Variants in CSMD1 observed in about 807,000 individuals in gnomAD.
CSMD1 encodes the protein CUB and sushi domain-containing protein 1.
CSMD1 carries 213 observed loss-of-function variants against 417.5 expected under a neutral mutation model. The observed-to-expected ratio is 0.51, with a 90% confidence interval of 0.46 to 0.57. The LOEUF (loss-of-function observed/expected upper bound fraction) is 0.57, where lower values mean the gene tolerates loss of function less well. Ranked by LOEUF, CSMD1 falls within the 20% of genes least tolerant of loss-of-function variation. The probability of loss-of-function intolerance (pLI) is 0.00; values close to 1 mark genes in which losing one functional copy is unlikely to be tolerated. For synonymous variants in CSMD1, 2,862 were observed against 1,736.8 expected, an observed-to-expected ratio of 1.65 and a Z score of -16.11; for missense variants, 6,923 against 4,529.7, an observed-to-expected ratio of 1.53 and a Z score of -15.17.
chr8:3,748,344 A>G (rs999364987), intron 6 of CSMD1, among the ~76,000 whole-genome samples: 10 of 152,202 alleles, frequency 6.6e-5, no homozygotes, highest in Admixed American at 3.3e-4. Flanking sequence ...TACTTCATGC[A>G]TCCATACCTA....
rs905990082 is a variant in CSMD1, at chr8:3,983,419, C to T, written c.818+14484G>A. Among the ~76,000 whole-genome samples, 11 of 151,920 alleles carry T rather than the reference C, an allele frequency of 7.2e-5. 2 individuals are homozygous for T. Among genetic ancestry groups the T allele is most frequent in the Admixed American group, 3.3e-4 (5 of 15,252 alleles). On this transcript the variant is annotated intron_variant, in intron 5 of 69. Transcript: ENST00000635120. The stretch of plus-strand genomic sequence containing the variant: ...TGCTGGGATTACAGGCGTGAGCCAC[C>T]GCGCCCGGCCGCAGCCTCCCACATC...
At chr8:3,079,255 C>T (rs924218187) in intron 49 of CSMD1, among the ~76,000 whole-genome samples, 1 of 152,162 alleles carries the variant, frequency 6.6e-6, no homozygotes, top group African/African-American at 2.4e-5. Flanking sequence ...TGTGGATTCA[C>T]ATTCTGATAA....
At position 3,318,490 on chromosome 8, in the gene CSMD1, T is replaced by C. The variant is rs887603003; in HGVS notation, c.3632-9987A>G. On this transcript the variant is annotated intron_variant, in intron 23 of 69. Coordinates refer to ENST00000635120, the MANE Select transcript of CSMD1 (RefSeq NM_033225.6). Reference sequence around the variant, plus strand: ...ACCAGAAACTCATAGTCTGTGTAGATAAAAGATAACATATAAAAGTTAACA... The same window carrying C: ...ACCAGAAACTCATAGTCTGTGTAGACAAAAGATAACATATAAAAGTTAACA... 3.9e-5 allele frequency among the ~76,000 whole-genome samples: 6 copies of C among 152,190 alleles called. 1 individual carries two copies. Among genetic ancestry groups the C allele is most frequent in the East Asian group, 3.9e-4 (2 of 5,192 alleles).
At chr8:4,284,783 A>G (rs1255384103) in intron 3 of CSMD1, among the ~76,000 whole-genome samples, 2 of 152,160 alleles carry the variant, frequency 1.3e-5, no homozygotes, top group Non-Finnish European at 2.9e-5. Context: ...GCTCTTTCCA[A>G]AAACCACACA....
intron 1 of CSMD1, among the ~76,000 whole-genome samples, chr8:4,653,798 A>C (rs1804056651): frequency 6.6e-6 from 1 of 152,162 alleles, no homozygotes. Flanking sequence ...ATTTGAAGGG[A>C]GGCATTTGCA....
chr8:3,221,188 C>T (rs184456389), intron 28 of CSMD1, among the ~76,000 whole-genome samples: 24 of 152,256 alleles, frequency 1.6e-4, no homozygotes, highest in East Asian at 1.4e-3. Flanking sequence ...ATCGGTGCAA[C>T]GCCCAGCCTG....
chr8:4,039,507 G>A (rs1422900443), intron 3 of CSMD1, among the ~76,000 whole-genome samples: 1 of 152,138 alleles, frequency 6.6e-6, no homozygotes, highest in Non-Finnish European at 1.5e-5. Flanking sequence ...ATCTGTAAAA[G>A]GAGAAGGTGC....
At chr8:4,254,310 C>G (rs1042870235) in intron 3 of CSMD1, among the ~76,000 whole-genome samples, 2 of 152,030 alleles carry the variant, frequency 1.3e-5, no homozygotes, top group Non-Finnish European at 2.9e-5. Flanking sequence ...ATCAGGAATT[C>G]GATTATTGAT....
chr8:4,580,093 G>A (rs1213612254), intron 2 of CSMD1, among the ~76,000 whole-genome samples: 3 of 152,168 alleles, frequency 2.0e-5, no homozygotes, highest in Non-Finnish European at 4.4e-5. Context: ...AAAGAGGGTG[G>A]GAGGACTAAA....
chr8:4,370,530 T>C (rs181983262), intron 3 of CSMD1, among the ~76,000 whole-genome samples: 6 of 152,382 alleles, frequency 3.9e-5, no homozygotes, highest in Admixed American at 3.3e-4. Context: ...TGTTCAAATG[T>C]GTTTCTCAAG....
intron 3 of CSMD1, among the ~76,000 whole-genome samples, chr8:4,122,500 A>G (rs1462102276): frequency 5.9e-5 from 9 of 152,198 alleles, no homozygotes; most frequent in Non-Finnish European, 8.8e-5. Context: ...TAAACTGTCT[A>G]AAAGAGAACC....
intron 3 of CSMD1, among the ~76,000 whole-genome samples, chr8:4,109,612 G>A (rs764707926): frequency 3.9e-5 from 6 of 152,158 alleles, no homozygotes; most frequent in Non-Finnish European, 7.4e-5. Context: ...GGATATTGTT[G>A]GAATCAAAAG....
rs1800930345 is a variant in CSMD1, at chr8:4,843,029, C to T, written c.85+151303G>A. Among the ~76,000 whole-genome samples the T allele has an allele frequency of 2.6e-5, 4 of 152,156 alleles. No homozygotes were observed. In the South Asian group the frequency reaches 8.3e-4, roughly 31 times the overall value. ...TGCTACTCCAGGACTCTAACATCAA[C>T]TGAGTGAAGTCAAAATAAGAGATGC... is the stretch of plus-strand genomic sequence containing the variant. On this transcript the variant is annotated intron_variant, in intron 1 of 69. Coordinates refer to ENST00000635120, the MANE Select transcript of CSMD1 (RefSeq NM_033225.6).
intron 3 of CSMD1, among the ~76,000 whole-genome samples, chr8:4,256,252 T>G (rs1197735784): frequency 3.9e-5 from 6 of 152,200 alleles, no homozygotes; most frequent in African/African-American, 1.4e-4. Flanking sequence ...TCTCTCTGCT[T>G]TGAGTCCCTT....
intron 5 of CSMD1, among the ~76,000 whole-genome samples, chr8:3,905,942 C>G (rs2627418): frequency 0.57 from 86,266 of 151,720 alleles, 26,805 homozygotes; most frequent in Non-Finnish European, 0.68. Flanking sequence ...TTTTTGGTGC[C>G]CCTCAACCAT....
At chr8:4,067,941 G>C (rs550115356) in intron 3 of CSMD1, among the ~76,000 whole-genome samples, 56 of 152,224 alleles carry the variant, frequency 3.7e-4, no homozygotes, top group African/African-American at 1.3e-3. Context: ...ACTGGGCATG[G>C]TGGTGCGCTC....
At chr8:4,631,495 T>C (rs3804) in intron 2 of CSMD1, among the ~76,000 whole-genome samples, 1 of 151,874 alleles carries the variant, frequency 6.6e-6, no homozygotes, top group Non-Finnish European at 1.5e-5. Flanking sequence ...TAGGCAATGC[T>C]AGGTCTCTAG....
intron 24 of CSMD1, 44 bp from the exon 25 acceptor site, chr8:3,307,865 C>T (rs1563253948): frequency 2.5e-6 from 4 of 1,590,538 alleles, no homozygotes; most frequent in Non-Finnish European, 8.5e-7. Context: ...CTTCAGGCAT[C>T]ACATGTTTCT....
chr8:4,073,532 C>T (rs991787532), intron 3 of CSMD1, among the ~76,000 whole-genome samples: 1 of 152,016 alleles, frequency 6.6e-6, no homozygotes, highest in African/African-American at 2.4e-5. Flanking sequence ...TGTCTTAGTG[C>T]CAGATGGCAT....
Sources: gnomAD v4.1 joint callset for allele counts (sites outside exome capture counted in the v4.1 genomes callset) on GRCh38, gnomAD v4.1.1 for gene constraint, MANE v1.5 for transcripts, NCBI Gene and HGNC (gene_info 2026-07-23, HGNC 2026-07-21) for gene names.